Variants in PER3 observed in about 807,000 individuals in gnomAD.
PER3 encodes period circadian protein homolog 3.
PER3 carries 107 observed loss-of-function variants against 127.2 expected under a neutral mutation model. The ratio of observed to expected loss-of-function variants is 0.84; its 90% CI spans 0.72 to 0.99. PER3 has a LOEUF of 0.99. Among genes scored for constraint, PER3 ranks in the 50% least tolerant of loss-of-function variants. PER3 has a pLI of 0.00. For missense variants in PER3, 1,560 were observed against 1,525.8 expected, an observed-to-expected ratio of 1.02 and a Z score of -0.37; for synonymous variants, 618 against 585.8, an observed-to-expected ratio of 1.05 and a Z score of -0.79.
intron 4 of PER3, chr1:7,787,839 C>T (rs891706025): frequency 5.1e-6 from 3 of 583,944 alleles, no homozygotes; most frequent in Middle Eastern, 4.5e-4. Flanking sequence ...AGAAATTGAA[C>T]CTTCAGTAGG....
chr1:7,788,881 G>A (rs2097104674), intron 5 of PER3, among the ~76,000 whole-genome samples: 1 of 149,020 alleles, frequency 6.7e-6, no homozygotes, highest in Non-Finnish European at 1.5e-5. Flanking sequence ...TCCAGCCTGG[G>A]CGACAAGCGT....
chr1:7,800,841 A>AAAAAG (rs1553306864), intron 7 of PER3, among the ~76,000 whole-genome samples: 1 of 148,766 alleles, frequency 6.7e-6, no homozygotes. Flanking sequence ...AAAAAAAAAA[A>AAAAAG]AGAGAGAAAA....
intron 3 of PER3, 126 bp from the exon 4 acceptor site, chr1:7,786,595 G>A (rs2097092110): frequency 1.8e-6 from 1 of 569,450 alleles, no homozygotes; most frequent in Non-Finnish European, 3.2e-6. Flanking sequence ...AAAATGATCT[G>A]TTTTTGAGAA....
chr1:7,807,999 G>A (rs921117661), intron 10 of PER3, among the ~76,000 whole-genome samples: 7 of 152,264 alleles, frequency 4.6e-5, no homozygotes, highest in East Asian at 3.9e-4. Context: ...TTGGGAGGCC[G>A]AAGCGGGTGG....
intron 21 of PER3, among the ~76,000 whole-genome samples, chr1:7,842,366 G>C (rs2097394877): frequency 6.6e-6 from 1 of 151,976 alleles, no homozygotes; most frequent in Non-Finnish European, 1.5e-5. Context: ...TGGGCGCGGT[G>C]GTGGGCACCT....
Position 7,803,866 on chromosome 1 carries a change from CA to C in PER3, c.1136+19del. The C allele has an allele frequency of 6.2e-7, 1 of 1,600,102 alleles. No homozygotes were observed. The highest frequency in any genetic ancestry group is 8.5e-7 in the Non-Finnish European group (1 of 1,170,382). ...GTTCGAACGTAAGCCAGTCAGTTTT[CA>C]TATTTTCTAAAACATCTCTTGTATC... On this transcript the variant is annotated intron_variant, in intron 10 of 21. Coordinates refer to ENST00000377532, the MANE Select transcript of PER3 (RefSeq NM_001377275.1).
chr1:7,784,887 G>T lies in PER3; in HGVS notation c.10G>T (p.Gly4Trp). 1 of 1,511,098 alleles carries T rather than the reference G, an allele frequency of 6.6e-7. No individual in the cohort carries two copies. The highest frequency in any genetic ancestry group is 1.3e-5 in the South Asian group (1 of 74,474). The allele number at this position is 1,511,098 out of a possible 1,614,324, so 93.6% of individuals were successfully genotyped here. A position where few individuals can be genotyped will look rare whatever the true frequency, so the allele number is the denominator to read the frequency against. The change falls in exon 2 of 22, where the codon GGG becomes TGG. Residue 4 changes from glycine to tryptophan, a missense_variant. Transcript: ENST00000377532. MPR[G>W]EAPGPGRRGA... Reference sequence around the variant, plus strand: ...CCGCGGAGACCTCGAGATGCCCCGCGGGGAAGCTCCTGGCCCCGGGAGACG... The same window carrying T: ...CCGCGGAGACCTCGAGATGCCCCGCTGGGAAGCTCCTGGCCCCGGGAGACG...
At chr1:7,788,984 T>C (rs1371455814) in intron 5 of PER3, among the ~76,000 whole-genome samples, 2 of 152,112 alleles carry the variant, frequency 1.3e-5, no homozygotes, top group African/African-American at 4.8e-5. Context: ...GTCTTATTAC[T>C]TTGTTTTCCT....
rs2097320696 is a variant in PER3, at chr1:7,829,738, CTG to C, written c.2887-95_2887-94del. 4.9e-6 allele frequency: 5 copies of C among 1,023,886 alleles called. No individual in the cohort carries two copies. In the South Asian group the frequency reaches 6.2e-5, roughly 13 times the overall value. The allele number at this position is 1,023,886 out of a possible 1,614,324, so 63.4% of individuals were successfully genotyped here. A position where few individuals can be genotyped will look rare whatever the true frequency, so the allele number is the denominator to read the frequency against. On this transcript the variant is annotated intron_variant, in intron 18 of 21. Coordinates refer to ENST00000377532, the MANE Select transcript of PER3 (RefSeq NM_001377275.1). ...TTGGACCTTGGTTGACCACAGGTAA[CTG>C]AAACTACAGAAAGCAAAACCATGAA... is the stretch of plus-strand genomic sequence containing the variant.
intron 21 of PER3, among the ~76,000 whole-genome samples, chr1:7,837,995 A>G (rs1577977762): frequency 6.6e-6 from 1 of 152,246 alleles, no homozygotes; most frequent in African/African-American, 2.4e-5. Flanking sequence ...AGCCTGGGAA[A>G]TTGAGGCTAC....
At position 7,808,232 on chromosome 1, in the gene PER3, CAAAAAAAA is replaced by C. The variant is rs60220289; in HGVS notation, c.1137-641_1137-634del. On this transcript the variant is annotated intron_variant, in intron 10 of 21. Coordinates refer to ENST00000377532, the MANE Select transcript of PER3 (RefSeq NM_001377275.1). ...TGGGTGACAGAGCAAGACTCTGTCT[CAAAAAAAA>C]AAAAAAAAAAAAAAAAAAACTAGTA... Among the ~76,000 whole-genome samples, 32 of 97,746 alleles carry C rather than the reference CAAAAAAAA, an allele frequency of 3.3e-4. No homozygotes were observed. In the East Asian group the frequency reaches 3.6e-3, roughly 11 times the overall value. 64.1% of individuals were successfully genotyped at this position (97,746 alleles called of 152,430 possible).
chr1:7,814,388 G>GT lies in PER3; in HGVS notation c.1522+3801dup, dbSNP rs1438069456. On this transcript the variant is annotated intron_variant, in intron 13 of 21. Transcript: ENST00000377532. ...ATACAGAGAAACAAAGACAAGAATT[G>GT]TAACAGACATTTCTTCAGAAACCAT... 2.6e-5 allele frequency among the ~76,000 whole-genome samples: 4 copies of GT among 152,282 alleles called. No individual in the cohort carries two copies. The East Asian group carries it at 7.7e-4, about 29-fold the overall frequency.
Position 7,843,887 on chromosome 1 carries a change from G to GGCT in PER3, c.*1133_*1134insCTG. The GGCT allele has an allele frequency of 8.0e-7, 1 of 1,257,612 alleles. No individual in the cohort carries two copies. The highest frequency in any genetic ancestry group is 1.0e-6 in the Non-Finnish European group (1 of 969,698). The allele number at this position is 1,257,612 out of a possible 1,614,324, so 77.9% of individuals were successfully genotyped here. A position where few individuals can be genotyped will look rare whatever the true frequency, so the allele number is the denominator to read the frequency against. On this transcript the variant is annotated 3_prime_UTR_variant, in exon 22 of 22. Coordinates refer to ENST00000377532, the MANE Select transcript of PER3 (RefSeq NM_001377275.1). ...TACTTGATAAATCAGCTCACTCTCT[G>GGCT]GTGCTTTTTAGAGAAGTCCCTGATT...
Position 7,827,630 on chromosome 1 carries a change from C to G in PER3, c.2701C>G (p.Pro901Ala). ...GTCAGCAATGAGTCCAACTCTGGAC[C>G]CACCCCCTTCAGTCACCAGCCAAAG... is the stretch of plus-strand genomic sequence containing the variant. ...MSSAMSPTLDPPPSVTSQRRE... is the reference protein window; with the variant it reads ...MSSAMSPTLDAPPSVTSQRRE... Residue 901 changes from proline (P) to alanine (A), a missense_variant, in exon 18 of 22, where the codon CCA (proline) becomes GCA (alanine). Around this residue, in one of 3 missense-constraint regions of PER3, gnomAD observed 1,332 missense variants for 1,223.6 expected, o/e 1.09. Transcript: ENST00000377532. 1 of 1,614,170 alleles carries G rather than the reference C, an allele frequency of 6.2e-7. No homozygotes were observed. Among genetic ancestry groups the G allele is most frequent in the Non-Finnish European group, 8.5e-7 (1 of 1,180,028 alleles).
chr1:7,832,663 G>A (rs527407995), intron 19 of PER3, among the ~76,000 whole-genome samples: 7 of 151,592 alleles, frequency 4.6e-5, no homozygotes, highest in African/African-American at 1.5e-4. Flanking sequence ...ATCATCCACC[G>A]TGTCCAGCCT....
chr1:7,823,399 T>C lies in PER3; in HGVS notation c.1957+2759T>C, dbSNP rs2097286561. On this transcript the variant is annotated intron_variant, in intron 16 of 21. Transcript: ENST00000377532. Reference sequence around the variant, plus strand: ...GGTTCACGCCTGTAATCCCAGCACTTTGGGAGGCCAAGGCGGGCGGATCAC... The same window carrying C: ...GGTTCACGCCTGTAATCCCAGCACTCTGGGAGGCCAAGGCGGGCGGATCAC... 4.6e-5 allele frequency among the ~76,000 whole-genome samples: 7 copies of C among 152,132 alleles called. No homozygotes were observed. In the South Asian group the frequency reaches 1.5e-3, roughly 32 times the overall value.
chr1:7,804,148 G>T (rs1037338801), intron 10 of PER3, among the ~76,000 whole-genome samples: 21 of 151,888 alleles, frequency 1.4e-4, no homozygotes, highest in Middle Eastern at 3.4e-3. Flanking sequence ...AAAAATATTT[G>T]ATTTTTAAAT....
chr1:7,838,649 C>T (rs1192039407), intron 21 of PER3, among the ~76,000 whole-genome samples: 1 of 152,198 alleles, frequency 6.6e-6, no homozygotes. Context: ...ATCTGCCCGC[C>T]TCAGCCTCTC....
Position 7,842,867 on chromosome 1 carries a change from T to G in PER3, c.*112T>G. ...GAAGTTATCATTGAATGTTAAGATTTTTTCTTCTTGATTTTTTAATACACG... is the reference window on the plus strand; with the variant it reads ...GAAGTTATCATTGAATGTTAAGATTGTTTCTTCTTGATTTTTTAATACACG... On this transcript the variant is annotated 3_prime_UTR_variant, in exon 22 of 22. Coordinates refer to ENST00000377532, the MANE Select transcript of PER3 (RefSeq NM_001377275.1). The G allele has an allele frequency of 2.4e-6, 2 of 818,134 alleles. No homozygotes were observed. The highest frequency in any genetic ancestry group is 3.6e-6 in the Non-Finnish European group (2 of 551,948). 50.7% of individuals were successfully genotyped at this position (818,134 alleles called of 1,614,324 possible).
Sources: gnomAD v4.1 joint callset for allele counts (sites outside exome capture counted in the v4.1 genomes callset) on GRCh38, gnomAD v4.1.1 for gene constraint, gnomAD v4.1.1 regional missense constraint, MANE v1.5 for transcripts, NCBI Gene and HGNC (gene_info 2026-07-23, HGNC 2026-07-21) for gene names.